CDH9: variants seen among roughly 807,000 people sequenced by gnomAD.
CDH9 encodes cadherin 9.
In CDH9, 28 loss-of-function variants were observed where a neutral mutation model predicts 70.9. The ratio of observed to expected loss-of-function variants is 0.40; its 90% CI spans 0.29 to 0.54. The LOEUF (loss-of-function observed/expected upper bound fraction) is 0.54, where lower values mean the gene tolerates loss of function less well. Ranked by LOEUF, CDH9 falls within the 20% of genes least tolerant of loss-of-function variation. CDH9 has a pLI of 0.59. For missense variants in CDH9, 874 were observed against 984.4 expected, an observed-to-expected ratio of 0.89 and a Z score of 1.50; for synonymous variants, 409 against 343.1, an observed-to-expected ratio of 1.19 and a Z score of -2.12.
At chr5:26,906,210 T>A (rs1308617568) in intron 4 of CDH9, 84 bp from the exon 5 acceptor site, 36 of 1,097,188 alleles carry the variant, frequency 3.3e-5, no homozygotes, top group Non-Finnish European at 4.8e-5. Context: ...TTACAAAAGT[T>A]GATTATAACA....
chr5:26,966,315 G>A (rs953405238), intron 2 of CDH9, among the ~76,000 whole-genome samples: 3 of 152,132 alleles, frequency 2.0e-5, no homozygotes, highest in African/African-American at 7.2e-5. Flanking sequence ...CCCCTGCAGT[G>A]CCTCACAGGT....
At chr5:26,957,323 T>A (rs1741963564) in intron 2 of CDH9, among the ~76,000 whole-genome samples, 1 of 152,224 alleles carries the variant, frequency 6.6e-6, no homozygotes, top group Admixed American at 6.5e-5. Context: ...AGATGAGAAA[T>A]GTTTTAAAAA....
At chr5:26,918,780 A>T (rs952998530) in intron 2 of CDH9, among the ~76,000 whole-genome samples, 8 of 152,182 alleles carry the variant, frequency 5.3e-5, no homozygotes, top group Non-Finnish European at 1.0e-4. Context: ...ACTCAATACC[A>T]TATATTCTCT....
chr5:26,920,810 C>T (rs1300035172), intron 2 of CDH9, among the ~76,000 whole-genome samples: 1 of 152,188 alleles, frequency 6.6e-6, no homozygotes, highest in African/African-American at 2.4e-5. Flanking sequence ...TTCTCTTATG[C>T]AGATATGGCT....
At chr5:26,906,166 C>G (rs768916104) in intron 4 of CDH9, 40 bp from the exon 5 acceptor site, 1 of 1,561,684 alleles carries the variant, frequency 6.4e-7, no homozygotes, top group South Asian at 1.1e-5. Flanking sequence ...AATTAAATCG[C>G]TGAGTTTTAA....
intron 1 of CDH9, among the ~76,000 whole-genome samples, chr5:27,023,170 C>T (rs368405382): frequency 6.6e-6 from 1 of 152,136 alleles, no homozygotes; most frequent in African/African-American, 2.4e-5. Context: ...GCTCTCTTTA[C>T]AATACTAATG....
chr5:26,963,983 C>G (rs915956666), intron 2 of CDH9, among the ~76,000 whole-genome samples: 2 of 151,930 alleles, frequency 1.3e-5, no homozygotes, highest in East Asian at 3.9e-4. Flanking sequence ...TATGTGAGGT[C>G]CAAGGCAGAT....
chr5:26,933,646 C>A (rs1228229938), intron 2 of CDH9, among the ~76,000 whole-genome samples: 1 of 151,786 alleles, frequency 6.6e-6, no homozygotes, highest in African/African-American at 2.4e-5. Context: ...TGGTGGCGCG[C>A]ATCTGTAGTC....
intron 1 of CDH9, among the ~76,000 whole-genome samples, chr5:27,003,045 G>T (rs1742799050): frequency 6.6e-6 from 1 of 152,056 alleles, no homozygotes; most frequent in African/African-American, 2.4e-5. Flanking sequence ...CTTCAGAACA[G>T]AAATGTTTCG....
chr5:26,939,583 G>A (rs1482472075), intron 2 of CDH9, among the ~76,000 whole-genome samples: 1 of 151,666 alleles, frequency 6.6e-6, no homozygotes, highest in Non-Finnish European at 1.5e-5. Context: ...ACTCCTAATC[G>A]ATGTGTGAAT....
chr5:26,946,560 C>A (rs1487682234), intron 2 of CDH9, among the ~76,000 whole-genome samples: 2 of 152,118 alleles, frequency 1.3e-5, no homozygotes, highest in Non-Finnish European at 2.9e-5. Context: ...GATGAAATGT[C>A]TCACCAACCG....
intron 1 of CDH9, among the ~76,000 whole-genome samples, chr5:26,999,315 C>T (rs1441705278): frequency 6.6e-6 from 1 of 152,054 alleles, no homozygotes; most frequent in African/African-American, 2.4e-5. Flanking sequence ...AAAGCTGATA[C>T]AAATCATGCC....
At chr5:27,033,665 T>A (rs1380204572) in intron 1 of CDH9, among the ~76,000 whole-genome samples, 3 of 151,572 alleles carry the variant, frequency 2.0e-5, no homozygotes, top group South Asian at 2.1e-4. Context: ...ACAATTTTTT[T>A]ATGTGTTCTT....
rs755511264 is a variant in CDH9 at position 26,902,465 on chromosome 5, A to T, written c.1253+11T>A. Reference sequence around the variant, plus strand: ...TTCTAAAAACATAATAAATGTTTTCAAAGTACTTACTTTATTAAATTGTTC... The same window carrying T: ...TTCTAAAAACATAATAAATGTTTTCTAAGTACTTACTTTATTAAATTGTTC... On this transcript the variant is annotated intron_variant, in intron 7 of 11. Transcript: ENST00000231021. The T allele has an allele frequency of 1.5e-5, 23 of 1,569,834 alleles. No individual in the cohort carries two copies. The highest frequency in any genetic ancestry group is 1.9e-5 in the Non-Finnish European group (22 of 1,146,528).
intron 1 of CDH9, among the ~76,000 whole-genome samples, chr5:27,020,258 G>A: frequency 6.6e-6 from 1 of 151,442 alleles, no homozygotes; most frequent in East Asian, 1.9e-4. Flanking sequence ...CAAAGTAAGG[G>A]TTAAGCAAAT....
intron 2 of CDH9, among the ~76,000 whole-genome samples, chr5:26,948,516 C>A (rs1741792078): frequency 6.6e-6 from 1 of 152,198 alleles, no homozygotes; most frequent in Non-Finnish European, 1.5e-5. Flanking sequence ...GAATATGCAA[C>A]ATGTGGCACT....
intron 2 of CDH9, among the ~76,000 whole-genome samples, chr5:26,971,005 C>T (rs969215036): frequency 1.3e-5 from 2 of 152,140 alleles, no homozygotes; most frequent in Non-Finnish European, 2.9e-5. Context: ...ATTAGAAATG[C>T]TTCTGACATA....
At chr5:26,936,876 C>T (rs1741568593) in intron 2 of CDH9, among the ~76,000 whole-genome samples, 1 of 149,558 alleles carries the variant, frequency 6.7e-6, no homozygotes, top group African/African-American at 2.4e-5. Flanking sequence ...CACACACACA[C>T]ACCACTCAAA....
At chr5:26,979,284 T>G (rs1405966435) in intron 2 of CDH9, among the ~76,000 whole-genome samples, 3 of 151,720 alleles carry the variant, frequency 2.0e-5, no homozygotes, top group Admixed American at 6.6e-5. Context: ...AAATATACAC[T>G]ATTAATTCAA....
Sources: gnomAD v4.1 joint callset for allele counts (sites outside exome capture counted in the v4.1 genomes callset) on GRCh38, gnomAD v4.1.1 for gene constraint, MANE v1.5 for transcripts, NCBI Gene and HGNC (gene_info 2026-07-23, HGNC 2026-07-21) for gene names.